TMEFF2: variants seen among roughly 807,000 people sequenced by gnomAD.
TMEFF2 encodes transmembrane protein with EGF like and two follistatin like domains 2, also known as tomoregulin-2.
Under a neutral mutation model 53.8 loss-of-function variants are expected in TMEFF2, and 28 were observed. The observed-to-expected ratio is 0.52, with a 90% CI of 0.39 to 0.71. TMEFF2 has a LOEUF of 0.71. Ranked by LOEUF, TMEFF2 falls within the 30% of genes least tolerant of loss-of-function variation. TMEFF2 has a pLI of 0.00. For missense variants in TMEFF2, 353 were observed against 455.2 expected (o/e 0.78, Z 2.04); for synonymous variants, 162 against 166.3 (o/e 0.97, Z 0.20).
chr2:192,049,925 T>C (rs1349903628), intron 5 of TMEFF2, among the ~76,000 whole-genome samples: 1 of 152,066 alleles, frequency 6.6e-6, no homozygotes, highest in Non-Finnish European at 1.5e-5. Flanking sequence ...GGTGTGAACC[T>C]GGAAGGCGGA....
intron 4 of TMEFF2, among the ~76,000 whole-genome samples, chr2:192,152,215 G>A (rs1186897785): frequency 6.6e-6 from 1 of 151,926 alleles, no homozygotes; most frequent in Non-Finnish European, 1.5e-5. Flanking sequence ...GTGGGTGACA[G>A]TGAAGGCTTG....
At chr2:192,170,215 C>T (rs150582807) in intron 4 of TMEFF2, among the ~76,000 whole-genome samples, 225 of 152,080 alleles carry the variant, frequency 1.5e-3, no homozygotes, top group Middle Eastern at 6.8e-3. Flanking sequence ...CTGTATAGCT[C>T]CACATGTCCT....
chr2:192,145,886 G>T (rs1301930041), intron 4 of TMEFF2, among the ~76,000 whole-genome samples: 6 of 151,872 alleles, frequency 4.0e-5, no homozygotes, highest in African/African-American at 1.5e-4. Flanking sequence ...ATGTCAATGT[G>T]GCACTTCCAG....
At chr2:192,093,443 A>G (rs975690784) in intron 4 of TMEFF2, among the ~76,000 whole-genome samples, 6 of 152,068 alleles carry the variant, frequency 3.9e-5, no homozygotes, top group African/African-American at 9.7e-5. Context: ...TCTTGTTTCA[A>G]TAATATCCCA....
intron 4 of TMEFF2, among the ~76,000 whole-genome samples, chr2:192,161,009 G>C (rs1028365605): frequency 2.0e-4 from 30 of 152,174 alleles, no homozygotes; most frequent in African/African-American, 7.2e-4. Context: ...TTTATTGCTA[G>C]AGAATTGCTA....
At chr2:192,131,906 CAT>C (rs2105978210) in intron 4 of TMEFF2, among the ~76,000 whole-genome samples, 1 of 152,252 alleles carries the variant, frequency 6.6e-6, no homozygotes, top group South Asian at 2.1e-4. Context: ...TAATTCTTGT[CAT>C]AAAATGGGCA....
At chr2:192,070,515 T>C (rs1688270720) in intron 4 of TMEFF2, among the ~76,000 whole-genome samples, 1 of 151,934 alleles carries the variant, frequency 6.6e-6, no homozygotes, top group South Asian at 2.1e-4. Flanking sequence ...GGATGAAAAT[T>C]CACAGTCTTT....
At chr2:192,126,761 G>A (rs1689687719) in intron 4 of TMEFF2, among the ~76,000 whole-genome samples, 1 of 152,146 alleles carries the variant, frequency 6.6e-6, no homozygotes. Context: ...TCCTCAAGGT[G>A]GTAAAACCTA....
At chr2:192,031,220 C>T (rs1012373009) in intron 5 of TMEFF2, 1 of 152,112 alleles carries the variant, frequency 6.6e-6, no homozygotes, top group African/African-American at 2.4e-5. Context: ...TATTTTTTTA[C>T]CTGAGCATTT....
At chr2:192,148,406 T>C (rs538132999) in intron 4 of TMEFF2, among the ~76,000 whole-genome samples, 46 of 151,948 alleles carry the variant, frequency 3.0e-4, no homozygotes, top group Non-Finnish European at 5.3e-4. Flanking sequence ...ATGGAGAAAG[T>C]TGAGATTTCT....
At position 192,194,535 on chromosome 2, in the gene TMEFF2, T is replaced by C. The variant is rs1399847371; in HGVS notation, c.-11A>G. On this transcript the variant is annotated 5_prime_UTR_variant, in exon 1 of 10. Coordinates refer to ENST00000272771, the MANE Select transcript of TMEFF2 (RefSeq NM_016192.4). This position sits in a 1 kb window ranked among gnomAD's most constrained non-coding sequence, Gnocchi z 4.2. ...CTCCCACAGCACCATGACTAGTTCG[T>C]GCAACTCTGCAGCAGCAAACGGCTT... 1.9e-6 allele frequency: 3 copies of C among 1,610,256 alleles called. No homozygotes were observed. The highest frequency in any genetic ancestry group is 2.5e-6 in the Non-Finnish European group (3 of 1,178,152).
Position 191,949,754 on chromosome 2 carries a change from G to A in TMEFF2, c.*557C>T, listed in dbSNP as rs1691812402. On this transcript the variant is annotated 3_prime_UTR_variant, in exon 10 of 10. Transcript: ENST00000272771. Reference sequence around the variant, plus strand: ...TCTAGGGATGAAAATGGAAGACCAGGGAAGAAAGTTGATGAAATAGAGATG... The same window carrying A: ...TCTAGGGATGAAAATGGAAGACCAGAGAAGAAAGTTGATGAAATAGAGATG... 2 of 985,112 alleles carry A rather than the reference G, an allele frequency of 2.0e-6. No individual in the cohort carries two copies. The highest frequency in any genetic ancestry group is 1.7e-5 in the African/African-American group (1 of 57,182). 61.0% of individuals were successfully genotyped at this position (985,112 alleles called of 1,614,324 possible).
intron 4 of TMEFF2, among the ~76,000 whole-genome samples, chr2:192,134,376 C>G (rs989885884): frequency 7.2e-5 from 11 of 152,158 alleles, no homozygotes; most frequent in African/African-American, 2.7e-4. Context: ...TGTTTCTCAC[C>G]CTGATCACGC....
In TMEFF2 at chr2:191,949,836, C is replaced by T. The variant is rs889644667; in HGVS notation, c.*475G>A. ...CGATATAAAGTAAATTATTTTTTCT[C>T]TTTTCCAATAACCATCATTTCCCTT... On this transcript the variant is annotated 3_prime_UTR_variant, in exon 10 of 10. Coordinates refer to ENST00000272771, the MANE Select transcript of TMEFF2 (RefSeq NM_016192.4). 8.1e-6 allele frequency: 8 copies of T among 985,520 alleles called. No homozygotes were observed. In the African/African-American group the frequency reaches 1.2e-4, roughly 15 times the overall value. The allele number at this position is 985,520 out of a possible 1,614,324, so 61.0% of individuals were successfully genotyped here. A position where few individuals can be genotyped will look rare whatever the true frequency, so the allele number is the denominator to read the frequency against.
chr2:192,123,399 G>C (rs1410469317), intron 4 of TMEFF2, among the ~76,000 whole-genome samples: 4 of 152,114 alleles, frequency 2.6e-5, no homozygotes, highest in African/African-American at 9.7e-5. Flanking sequence ...AATTAAAACT[G>C]AGTGAACCAT....
At chr2:192,138,637 A>G (rs140137087) in intron 4 of TMEFF2, among the ~76,000 whole-genome samples, 115 of 152,326 alleles carry the variant, frequency 7.5e-4, no homozygotes, top group African/African-American at 2.7e-3. Context: ...CCTTCTCCTA[A>G]TAGAAAGCAT....
chr2:191,951,666 G>C (rs1691887129), intron 9 of TMEFF2, among the ~76,000 whole-genome samples: 1 of 152,138 alleles, frequency 6.6e-6, no homozygotes, highest in African/African-American at 2.4e-5. Flanking sequence ...TAGTTGGAAA[G>C]TCTGGTTTCA....
Position 192,075,761 on chromosome 2 carries a change from C to T in TMEFF2, c.440-17986G>A, listed in dbSNP as rs114219706. Among the ~76,000 whole-genome samples the T allele has an allele frequency of 7.5e-3, 1,147 of 152,048 alleles. 16 individuals carry two copies. Among genetic ancestry groups the T allele is most frequent in the African/African-American group, 0.026 (1,087 of 41,508 alleles). On this transcript the variant is annotated intron_variant, in intron 4 of 9. Transcript: ENST00000272771. ...AATATTTATTTTAAATATTAGGAAG[C>T]ACACTGAAGAAGCTAACTTCAGTGG...
chr2:192,157,337 A>T (rs1690529050), intron 4 of TMEFF2, among the ~76,000 whole-genome samples: 1 of 152,048 alleles, frequency 6.6e-6, no homozygotes, highest in Admixed American at 6.6e-5. Context: ...TCTGAATCTT[A>T]GTTTTCTCAT....
Sources: gnomAD v4.1 joint callset for allele counts (sites outside exome capture counted in the v4.1 genomes callset) on GRCh38, gnomAD v4.1.1 for gene constraint, Gnocchi (gnomAD v3.1) non-coding constraint, MANE v1.5 for transcripts, NCBI Gene and HGNC (gene_info 2026-07-23, HGNC 2026-07-21) for gene names.